IL18RAP: variants seen among roughly 807,000 people sequenced by gnomAD.
The protein encoded by IL18RAP is interleukin-18 receptor accessory protein.
In IL18RAP, 37 loss-of-function variants were observed where a neutral mutation model predicts 58.1. The observed-to-expected ratio is 0.64, with a 90% confidence interval of 0.49 to 0.84. The LOEUF (loss-of-function observed/expected upper bound fraction) is 0.84. Among genes scored for constraint, IL18RAP ranks in the 40% least tolerant of loss-of-function variants. The pLI is 0.00. For synonymous variants in IL18RAP, 268 were observed against 257.5 expected (o/e 1.04, Z -0.39); for missense variants, 667 against 704.8 (o/e 0.95, Z 0.61).
intron 9 of IL18RAP, among the ~76,000 whole-genome samples, 198 bp from the exon 10 acceptor site, chr2:102,451,568 G>T (rs1471084357): frequency 6.6e-6 from 1 of 152,198 alleles, no homozygotes; most frequent in African/African-American, 2.4e-5. Flanking sequence ...GGGGAGACTG[G>T]ACACAAAGCA....
chr2:102,419,920 T>C (rs769383807), upstream of IL18RAP: 1 of 152,224 alleles, frequency 6.6e-6, no homozygotes, highest in African/African-American at 2.4e-5. Context: ...GAGTGCCACA[T>C]TATTTTATTC....
chr2:102,447,726 G>GTATGTATT (rs377209832), intron 8 of IL18RAP, among the ~76,000 whole-genome samples: 30,209 of 149,296 alleles, frequency 0.2, 3,309 homozygotes, highest in African/African-American at 0.24. Context: ...ATGTATGTAT[G>GTATGTATT]TATTTATTTA....
chr2:102,450,800 A>G lies in IL18RAP; in HGVS notation c.1211-48A>G, dbSNP rs1683714375. 5 of 1,313,558 alleles carry G rather than the reference A, an allele frequency of 3.8e-6. No homozygotes were observed. In the East Asian group the frequency reaches 1.2e-4, roughly 31 times the overall value. The allele number at this position is 1,313,558 out of a possible 1,614,324, so 81.4% of individuals were successfully genotyped here. On this transcript the variant is annotated intron_variant, in intron 8 of 9. Transcript: ENST00000687160. ...ATATGTATGTGTACCATAACAGTAAAAAAAAGAGTAAATGACTTATGTTTT... is the reference window on the plus strand; with the variant it reads ...ATATGTATGTGTACCATAACAGTAAGAAAAAGAGTAAATGACTTATGTTTT...
intron 3 of IL18RAP, 37 bp from the exon 4 acceptor site, chr2:102,437,175 T>C (rs565837188): frequency 6.3e-7 from 1 of 1,576,544 alleles, no homozygotes; most frequent in South Asian, 1.2e-5. Context: ...AGTTTTTCTG[T>C]GGCAAATTTA....
chr2:102,434,660 TA>T (rs995756205), intron 3 of IL18RAP: 2 of 152,200 alleles, frequency 1.3e-5, no homozygotes, highest in African/African-American at 4.8e-5. Flanking sequence ...CTTAATTAAC[TA>T]AAAGGGCACT....
rs770048936 is a variant in IL18RAP, at chr2:102,451,037, C to T, written c.1384+16C>T. The T allele has an allele frequency of 5.8e-6, 9 of 1,562,648 alleles. No individual in the cohort carries two copies. The Admixed American group carries it at 1.8e-4, about 31-fold the overall frequency. ...CCAGGAGGAGGTAAGTCCAACATGTCAAGAAAAACTGCAGTGCAAAAAGGG... is the reference window on the plus strand; with the variant it reads ...CCAGGAGGAGGTAAGTCCAACATGTTAAGAAAAACTGCAGTGCAAAAAGGG... On this transcript the variant is annotated intron_variant, in intron 9 of 9. Transcript: ENST00000687160.
Position 102,452,349 on chromosome 2 carries a change from G to C in IL18RAP, c.*168G>C, listed in dbSNP as rs756760716. The C allele has an allele frequency of 1.1e-4, 68 of 630,506 alleles. No individual in the cohort carries two copies. The highest frequency in any genetic ancestry group is 1.1e-4 in the Non-Finnish European group (41 of 383,616). 39.1% of individuals were successfully genotyped at this position (630,506 alleles called of 1,614,324 possible). ...GGAGTGGGATTGAGACTGTGGTTTA[G>C]AGCCTTTGATTTCCTGGACTGGACT... On this transcript the variant is annotated 3_prime_UTR_variant, in exon 10 of 10. Transcript: ENST00000687160.
intron 3 of IL18RAP, chr2:102,433,995 G>A (rs996380934): frequency 1.3e-5 from 2 of 152,236 alleles, no homozygotes; most frequent in Non-Finnish European, 2.9e-5. Context: ...TCTAAATAGA[G>A]AATAAGTTAA....
intron 8 of IL18RAP, among the ~76,000 whole-genome samples, chr2:102,447,940 G>A (rs1477690753): frequency 1.3e-5 from 2 of 152,016 alleles, no homozygotes; most frequent in Non-Finnish European, 2.9e-5. Flanking sequence ...CACCATGTTG[G>A]CCAGGCTGGT....
chr2:102,444,733 C>A (rs2104372395), intron 6 of IL18RAP, among the ~76,000 whole-genome samples: 1 of 152,302 alleles, frequency 6.6e-6, no homozygotes, highest in Admixed American at 6.5e-5. Context: ...GGCTACTCAC[C>A]CACCTTCTTT....
In IL18RAP at chr2:102,447,310, A is replaced by G. The variant is rs878915080; in HGVS notation, c.1210+103A>G. 20 of 1,323,776 alleles carry G rather than the reference A, an allele frequency of 1.5e-5. 1 individual carries two copies. Among genetic ancestry groups the G allele is most frequent in the South Asian group, 7.1e-5 (5 of 70,710 alleles). The allele number at this position is 1,323,776 out of a possible 1,614,324, so 82.0% of individuals were successfully genotyped here. On this transcript the variant is annotated intron_variant, in intron 8 of 9. Transcript: ENST00000687160. ...CACTACCCCTTGGCTTTGTTTCCTC[A>G]GAGTTACCTTAGAAAAGAACTTCAA...
intron 3 of IL18RAP, among the ~76,000 whole-genome samples, chr2:102,428,632 A>G (rs560458612): frequency 6.6e-6 from 1 of 151,958 alleles, no homozygotes; most frequent in African/African-American, 2.4e-5. Flanking sequence ...TTTTCTATAA[A>G]TGAGATCATG....
At chr2:102,423,419 T>TCC in intron 1 of IL18RAP, 72 bp downstream of exon 1, 1 of 1,207,378 alleles carries the variant, frequency 8.3e-7, no homozygotes, top group Non-Finnish European at 1.2e-6. Context: ...TAACCTGATA[T>TCC]ATCAGCAGTG....
At chr2:102,425,229 A>G (rs1446333353) in intron 3 of IL18RAP, among the ~76,000 whole-genome samples, 2 of 152,200 alleles carry the variant, frequency 1.3e-5, no homozygotes, top group East Asian at 1.9e-4. Context: ...ACCTCATAAT[A>G]TATGTGTTTG....
intron 3 of IL18RAP, among the ~76,000 whole-genome samples, chr2:102,430,171 T>A (rs1378234092): frequency 6.6e-6 from 1 of 152,062 alleles, no homozygotes; most frequent in Non-Finnish European, 1.5e-5. Flanking sequence ...TTGAGTTTCT[T>A]ACTATTATTG....
rs779765628 is a variant in IL18RAP, at chr2:102,450,887, G to T, written c.1250G>T (p.Trp417Leu). Reference sequence around the variant, plus strand: ...GATGCTTTCGTATCCTATGCAAAATGGAGCTCTTTTCCAAGTGAGGCCACT... The same window carrying T: ...GATGCTTTCGTATCCTATGCAAAATTGAGCTCTTTTCCAAGTGAGGCCACT... ...DFDAFVSYAKWSSFPSEATSS... is the reference protein window; with the variant it reads ...DFDAFVSYAKLSSFPSEATSS... Residue 417 changes from tryptophan to leucine, a missense_variant, in exon 9 of 10, where the codon TGG becomes TTG. Physicochemically the swap from Trp to Leu is moderately conservative, Grantham distance 61. Transcript: ENST00000687160. 6.2e-7 allele frequency: 1 copy of T among 1,609,180 alleles called. No homozygotes were observed. Among genetic ancestry groups the T allele is most frequent in the South Asian group, 1.1e-5 (1 of 89,336 alleles).
Position 102,441,338 on chromosome 2 carries a change from A to G in IL18RAP, c.757A>G (p.Ile253Val). 6.2e-7 allele frequency: 1 copy of G among 1,613,428 alleles called. No homozygotes were observed. Among genetic ancestry groups the G allele is most frequent in the Non-Finnish European group, 8.5e-7 (1 of 1,179,478 alleles). ...IVGDTKLKPD[I>V]LDPVEDTLEV... is the part of the protein sequence containing the mutation. ...GGGAGACACTAAACTCAAACCAGATATTCTGGATCCTGTCGAGGACACACT... is the reference window on the plus strand; with the variant it reads ...GGGAGACACTAAACTCAAACCAGATGTTCTGGATCCTGTCGAGGACACACT... Residue 253 changes from isoleucine to valine, a missense_variant, in exon 5 of 10, where the codon ATT (isoleucine) becomes GTT (valine). Physicochemically the swap from Ile to Val is conservative, Grantham distance 29. Coordinates refer to ENST00000687160, the MANE Select transcript of IL18RAP (RefSeq NM_001393487.1).
chr2:102,443,171 C>A, intron 5 of IL18RAP, 29 bp from the exon 6 acceptor site: 1 of 1,594,526 alleles, frequency 6.3e-7, no homozygotes, highest in Non-Finnish European at 8.5e-7. Flanking sequence ...CAGCTTCCTT[C>A]TTGTTTTCTC....
intron 7 of IL18RAP, 86 bp downstream of exon 7, chr2:102,445,426 A>T: frequency 2.3e-6 from 3 of 1,321,572 alleles, no homozygotes; most frequent in Non-Finnish European, 3.2e-6. Flanking sequence ...AATAATGATG[A>T]CAGCGATTAC....
Sources: gnomAD v4.1 joint callset for allele counts (sites outside exome capture counted in the v4.1 genomes callset) on GRCh38, gnomAD v4.1.1 for gene constraint, MANE v1.5 for transcripts, NCBI Gene and HGNC (gene_info 2026-07-23, HGNC 2026-07-21) for gene names.